The following COL22A1 variants were observed in gnomAD, a reference collection of about 807,000 sequenced individuals.
COL22A1 encodes the protein collagen type XXII alpha 1 chain.
Under a neutral mutation model 248.9 loss-of-function variants are expected in COL22A1, and 221 were observed. The observed-to-expected ratio is 0.89, with a 90% CI of 0.80 to 0.99. The LOEUF (loss-of-function observed/expected upper bound fraction) is 0.99, where lower values mean the gene tolerates loss of function less well. COL22A1 is among the 50% of genes least tolerant of loss of function. COL22A1 has a pLI of 0.00. For missense variants in COL22A1, 2,240 were observed against 2,179.0 expected (o/e 1.03, Z -0.56); for synonymous variants, 891 against 793.4 (o/e 1.12, Z -2.07).
intron 31 of COL22A1, among the ~76,000 whole-genome samples, chr8:138,703,003 G>A (rs1244739602): frequency 6.6e-6 from 1 of 152,166 alleles, no homozygotes; most frequent in Non-Finnish European, 1.5e-5. Context: ...TCTTACGCTG[G>A]GCAAACTGCT....
intron 45 of COL22A1, among the ~76,000 whole-genome samples, chr8:138,654,757 C>A (rs1356254715): frequency 6.6e-6 from 1 of 152,300 alleles, no homozygotes; most frequent in East Asian, 1.9e-4. Flanking sequence ...CACCTGGGCA[C>A]CTGTGCAACT....
At chr8:138,785,237 G>A (rs539002671) in intron 12 of COL22A1, among the ~76,000 whole-genome samples, 105 of 152,330 alleles carry the variant, frequency 6.9e-4, no homozygotes, top group Non-Finnish European at 1.1e-3. Flanking sequence ...GAGAAGCTCT[G>A]CGTGGAGCCA....
In COL22A1 at chr8:138,593,382, AT is replaced by A. The variant is rs1229377692; in HGVS notation, c.4615+634del. Among the ~76,000 whole-genome samples, 74 of 150,696 alleles carry A rather than the reference AT, an allele frequency of 4.9e-4. No homozygotes were observed. The East Asian group carries it at 9.6e-3, about 19-fold the overall frequency. On this transcript the variant is annotated intron_variant, in intron 63 of 64. Transcript: ENST00000303045. ...ACATGTATCCCAGAACTTGAAGTAA[AT>A]TTTTTTTTTAAAAAAAAACCTTTTG...
rs571573687 is a variant in COL22A1 at position 138,810,682 on chromosome 8, T to G, written c.1449+1117A>C. Among the ~76,000 whole-genome samples, 93 of 152,264 alleles carry G rather than the reference T, an allele frequency of 6.1e-4. 1 individual carries two copies. Among genetic ancestry groups the G allele is most frequent in the African/African-American group, 2.2e-3 (92 of 41,548 alleles). On this transcript the variant is annotated intron_variant, in intron 9 of 64. Coordinates refer to ENST00000303045, the MANE Select transcript of COL22A1 (RefSeq NM_152888.3). ...GAACTCCCCAAGGGTTCCCTGTACCTCACGGTCTGGCTTTCTGGGTAGCAC... is the reference window on the plus strand; with the variant it reads ...GAACTCCCCAAGGGTTCCCTGTACCGCACGGTCTGGCTTTCTGGGTAGCAC...
At chr8:138,868,371 C>A (rs1227582651) in intron 3 of COL22A1, among the ~76,000 whole-genome samples, 2 of 152,160 alleles carry the variant, frequency 1.3e-5, no homozygotes, top group Admixed American at 6.5e-5. Context: ...TAGCCTTAGG[C>A]CCTCCAAAGT....
chr8:138,699,110 G>C (rs574996771), intron 32 of COL22A1, among the ~76,000 whole-genome samples: 25 of 152,232 alleles, frequency 1.6e-4, no homozygotes, highest in African/African-American at 5.5e-4. Context: ...CTCCCTTCAG[G>C]AAAGGCTCAC....
At chr8:138,902,691 G>A (rs1814676188) in intron 1 of COL22A1, among the ~76,000 whole-genome samples, 1 of 147,030 alleles carries the variant, frequency 6.8e-6, no homozygotes, top group Admixed American at 6.8e-5. Context: ...GGGCGACAGA[G>A]CAAGACTCCG....
At chr8:138,643,794 G>A (rs1365920495) in intron 47 of COL22A1, among the ~76,000 whole-genome samples, 1 of 152,056 alleles carries the variant, frequency 6.6e-6, no homozygotes, top group African/African-American at 2.4e-5. Context: ...CTGTCTCCCG[G>A]GTTCAAGCGA....
intron 56 of COL22A1, among the ~76,000 whole-genome samples, chr8:138,608,319 C>T (rs1172126033): frequency 6.6e-6 from 1 of 152,202 alleles, no homozygotes; most frequent in Non-Finnish European, 1.5e-5. Context: ...CATTCAGTTG[C>T]TGTGTTGAAG....
chr8:138,684,443 A>G lies in COL22A1; in HGVS notation c.2994T>C (p.Pro998=). The part of the protein sequence containing the change: ...EPGLRGSPGL[P]GPLGTKAACG... The stretch of plus-strand genomic sequence containing the variant: ...CACTCACCTTGGTTCCTAGGGGTCC[A>G]GGGAGTCCAGGTGATCCACGGAGTC... The change falls in exon 39 of 65, where the codon CCT becomes CCC. Residue 998 remains proline (P), a synonymous_variant. Transcript: ENST00000303045. 6.2e-7 allele frequency: 1 copy of G among 1,611,536 alleles called. No homozygotes were observed.
At chr8:138,800,853 G>C (rs1048199196) in intron 11 of COL22A1, among the ~76,000 whole-genome samples, 1 of 152,200 alleles carries the variant, frequency 6.6e-6, no homozygotes, top group African/African-American at 2.4e-5. Flanking sequence ...AGACATGGAG[G>C]AGAGGAATGG....
At chr8:138,858,486 TC>T (rs1822212203) in intron 3 of COL22A1, among the ~76,000 whole-genome samples, 1 of 151,852 alleles carries the variant, frequency 6.6e-6, no homozygotes, top group African/African-American at 2.4e-5. Context: ...GCTCAAGTGA[TC>T]CCCCCACCCC....
intron 6 of COL22A1, among the ~76,000 whole-genome samples, chr8:138,823,700 C>G (rs1819348534): frequency 6.6e-6 from 1 of 152,320 alleles, no homozygotes; most frequent in East Asian, 1.9e-4. Context: ...GCCACTGTGC[C>G]CAACCATTTA....
At chr8:138,845,738 T>C (rs984865953) in intron 3 of COL22A1, among the ~76,000 whole-genome samples, 4 of 152,072 alleles carry the variant, frequency 2.6e-5, no homozygotes. Context: ...TATGCACACA[T>C]TTGTCACAGG....
chr8:138,882,900 C>G (rs956034004), intron 2 of COL22A1, among the ~76,000 whole-genome samples, 182 bp downstream of exon 2: 1 of 152,178 alleles, frequency 6.6e-6, no homozygotes. Context: ...TGCTGAGGAG[C>G]TGGTGATTTT....
chr8:138,804,187 G>A (rs1817254685), intron 10 of COL22A1, among the ~76,000 whole-genome samples: 1 of 152,202 alleles, frequency 6.6e-6, no homozygotes, highest in African/African-American at 2.4e-5. Context: ...GCACCTGGCA[G>A]ACTCAGCCTA....
chr8:138,828,519 C>T (rs1353558311), intron 5 of COL22A1, among the ~76,000 whole-genome samples: 1 of 152,142 alleles, frequency 6.6e-6, no homozygotes, highest in African/African-American at 2.4e-5. Flanking sequence ...CAATAAAGCA[C>T]TTACACTTAG....
intron 15 of COL22A1, among the ~76,000 whole-genome samples, chr8:138,777,328 G>A (rs1263063754): frequency 1.3e-5 from 2 of 152,226 alleles, no homozygotes; most frequent in African/African-American, 2.4e-5. Context: ...CCTAAAGGGT[G>A]AGTGGGCATC....
chr8:138,707,069 C>T (rs949635227), intron 30 of COL22A1, among the ~76,000 whole-genome samples: 5 of 152,166 alleles, frequency 3.3e-5, no homozygotes, highest in Non-Finnish European at 7.3e-5. Flanking sequence ...CACATACGCC[C>T]TCCCAATACT....
Sources: allele counts gnomAD v4.1 joint callset (sites outside exome capture counted in the v4.1 genomes callset), GRCh38; gene constraint gnomAD v4.1.1; transcripts MANE v1.5; gene names NCBI Gene and HGNC (gene_info 2026-07-23, HGNC 2026-07-21).